The following CLSTN2 variants were observed in gnomAD, a reference collection of about 807,000 sequenced individuals.
The protein encoded by CLSTN2 is calsyntenin 2, also known as calsyntenin-2.
In CLSTN2, 48 loss-of-function variants were observed where a neutral mutation model predicts 101.2. That is an observed-to-expected ratio of 0.47 (90% CI 0.38 to 0.60). The LOEUF (loss-of-function observed/expected upper bound fraction) is 0.60. Ranked by LOEUF, CLSTN2 falls within the 20% of genes least tolerant of loss-of-function variation. The probability of loss-of-function intolerance (pLI) is 0.00; values close to 1 mark genes in which losing one functional copy is unlikely to be tolerated. For synonymous variants in CLSTN2, 481 were observed against 463.6 expected, an observed-to-expected ratio of 1.04 and a Z score of -0.48; for missense variants, 1,160 against 1,238.2, an observed-to-expected ratio of 0.94 and a Z score of 0.95.
chr3:140,410,207 A>T (rs898139388), intron 4 of CLSTN2, among the ~76,000 whole-genome samples: 9 of 152,032 alleles, frequency 5.9e-5, no homozygotes, highest in African/African-American at 2.2e-4. Flanking sequence ...AAGTTCTCTA[A>T]TTACATTCAA....
intron 8 of CLSTN2, among the ~76,000 whole-genome samples, chr3:140,474,327 G>A (rs1933929551): frequency 6.6e-6 from 1 of 152,048 alleles, no homozygotes; most frequent in African/African-American, 2.4e-5. Context: ...TCCAGCTTGG[G>A]TACTAGGGAG....
chr3:140,010,946 A>C (rs761890850), intron 1 of CLSTN2, among the ~76,000 whole-genome samples: 1 of 152,204 alleles, frequency 6.6e-6, no homozygotes, highest in Non-Finnish European at 1.5e-5. Flanking sequence ...CTTCAGATGC[A>C]CCTGAATGGC....
At chr3:140,299,051 C>T (rs1035393079) in intron 2 of CLSTN2, among the ~76,000 whole-genome samples, 1 of 152,214 alleles carries the variant, frequency 6.6e-6, no homozygotes, top group African/African-American at 2.4e-5. Flanking sequence ...CACCTGGGCT[C>T]TCCAGTGCTC....
intron 2 of CLSTN2, among the ~76,000 whole-genome samples, chr3:140,311,287 C>CTTTTTTTTTTTTTTTTTTTTTTT (rs750088450): frequency 1.9e-5 from 1 of 52,064 alleles, no homozygotes; most frequent in African/African-American, 9.4e-5. Flanking sequence ...GTTTATTATC[C>CTTTTTTTTTTTTTTTTTTTTTTT]TTTTTTTTTT....
intron 2 of CLSTN2, among the ~76,000 whole-genome samples, chr3:140,310,730 A>T (rs537425289): frequency 1.3e-5 from 2 of 152,210 alleles, no homozygotes; most frequent in South Asian, 4.2e-4. Flanking sequence ...ATTCTATTTC[A>T]TTCCATTCAA....
In CLSTN2 at chr3:140,459,708, C is replaced by T. The variant is rs779546467; in HGVS notation, c.1161C>T (p.His387=). 6.8e-6 allele frequency: 11 copies of T among 1,614,120 alleles called. No homozygotes were observed. Among genetic ancestry groups the T allele is most frequent in the South Asian group, 2.2e-5 (2 of 91,076 alleles). ...DQFTITMWMK[H]GPSPGVRAEK... ...TCACCATCACCATGTGGATGAAACA[C>T]GGCCCCAGCCCTGGTGTGAGAGCCG... Residue 387 remains histidine (H), a synonymous_variant, in exon 7 of 17, where the codon CAC becomes CAT. Transcript: ENST00000458420.
chr3:140,532,271 G>A (rs112399813), intron 8 of CLSTN2, 53 bp from the exon 9 acceptor site: 5 of 1,459,952 alleles, frequency 3.4e-6, no homozygotes, highest in Non-Finnish European at 4.7e-6. Flanking sequence ...AAGCCTGTTT[G>A]ATGTTTTATT....
chr3:140,430,837 TAGAG>T (rs1347917856), intron 5 of CLSTN2, among the ~76,000 whole-genome samples: 4 of 152,184 alleles, frequency 2.6e-5, no homozygotes, highest in Middle Eastern at 3.2e-3. Context: ...AAGGAAAACT[TAGAG>T]AGATTGACTG....
intron 2 of CLSTN2, among the ~76,000 whole-genome samples, chr3:140,179,383 G>A (rs2010372149): frequency 2.0e-5 from 3 of 150,492 alleles, no homozygotes; most frequent in Admixed American, 2.0e-4. Context: ...TTGGGAGGCT[G>A]AGGAGGGGAG....
intron 2 of CLSTN2, among the ~76,000 whole-genome samples, chr3:140,257,724 A>T (rs2086616320): frequency 6.6e-6 from 1 of 152,150 alleles, no homozygotes; most frequent in African/African-American, 2.4e-5. Flanking sequence ...TGACACATTG[A>T]TGTGTCATAA....
chr3:140,003,186 A>G (rs2107748279), intron 1 of CLSTN2, among the ~76,000 whole-genome samples: 1 of 152,290 alleles, frequency 6.6e-6, no homozygotes, highest in Non-Finnish European at 1.5e-5. Flanking sequence ...TGATTCTTCC[A>G]ATCTACGAAC....
chr3:140,137,222 A>T (rs2009628636), intron 1 of CLSTN2, among the ~76,000 whole-genome samples: 1 of 152,120 alleles, frequency 6.6e-6, no homozygotes, highest in Non-Finnish European at 1.5e-5. Context: ...TCCCAATGAT[A>T]CAAAATCGCT....
intron 1 of CLSTN2, among the ~76,000 whole-genome samples, chr3:140,071,691 C>T (rs539486794): frequency 2.6e-5 from 4 of 151,968 alleles, no homozygotes; most frequent in African/African-American, 9.7e-5. Context: ...ATTAGCCGGG[C>T]GTGGTGGCGG....
chr3:140,421,071 G>A, intron 4 of CLSTN2, 54 bp from the exon 5 acceptor site: 5 of 1,575,826 alleles, frequency 3.2e-6, no homozygotes, highest in Non-Finnish European at 4.3e-6. Flanking sequence ...TTTGGGAGAA[G>A]TACAAGTGCA....
chr3:140,000,629 A>G (rs1179486288), intron 1 of CLSTN2, among the ~76,000 whole-genome samples: 1 of 152,154 alleles, frequency 6.6e-6, no homozygotes, highest in African/African-American at 2.4e-5. Flanking sequence ...AGATTGTCCC[A>G]TTTCTGTGGT....
chr3:139,996,960 T>C (rs555841048), intron 1 of CLSTN2, among the ~76,000 whole-genome samples: 1 of 150,064 alleles, frequency 6.7e-6, no homozygotes, highest in Admixed American at 6.7e-5. Context: ...GGCAGGAGAA[T>C]TGCTTGAACC....
intron 2 of CLSTN2, among the ~76,000 whole-genome samples, chr3:140,357,193 G>A (rs906970630): frequency 6.6e-6 from 1 of 152,200 alleles, no homozygotes; most frequent in Non-Finnish European, 1.5e-5. Flanking sequence ...AATATAGTAA[G>A]TGACTAACAG....
At position 139,987,918 on chromosome 3, in the gene CLSTN2, A is replaced by G. The variant is rs139017516; in HGVS notation, c.109+52435A>G. On this transcript the variant is annotated intron_variant, in intron 1 of 16. Coordinates refer to ENST00000458420, the MANE Select transcript of CLSTN2 (RefSeq NM_022131.3). Reference sequence around the variant, plus strand: ...AGCTGCCACAGTTACGCCAAACCACAGTGACGAGACAAGACAAGTAAAGTG... The same window carrying G: ...AGCTGCCACAGTTACGCCAAACCACGGTGACGAGACAAGACAAGTAAAGTG... Among the ~76,000 whole-genome samples the G allele has an allele frequency of 4.2e-3, 643 of 152,356 alleles. 8 individuals are homozygous for G. The highest frequency in any genetic ancestry group is 0.015 in the African/African-American group (623 of 41,590).
chr3:140,430,006 C>A (rs1241934974), intron 5 of CLSTN2, among the ~76,000 whole-genome samples: 1 of 152,080 alleles, frequency 6.6e-6, no homozygotes, highest in Non-Finnish European at 1.5e-5. Context: ...GTCACCTTGC[C>A]CCTTCCAAAA....
Sources: gnomAD v4.1 joint callset for allele counts (sites outside exome capture counted in the v4.1 genomes callset) on GRCh38, gnomAD v4.1.1 for gene constraint, MANE v1.5 for transcripts, NCBI Gene and HGNC (gene_info 2026-07-23, HGNC 2026-07-21) for gene names.